SPTB: variants seen among roughly 807,000 people sequenced by gnomAD.
SPTB encodes the protein spectrin beta, erythrocytic, also known as spectrin beta chain, erythrocytic.
In SPTB, 45 loss-of-function variants were observed where a neutral mutation model predicts 256.2. The observed-to-expected ratio is 0.18, with a 90% CI of 0.14 to 0.23. The LOEUF is 0.23. SPTB is among the 10% of genes least tolerant of loss of function. The probability of loss-of-function intolerance (pLI) is 1.00; values close to 1 mark genes in which losing one functional copy is unlikely to be tolerated. For missense variants in SPTB, 2,715 were observed against 3,040.4 expected, an observed-to-expected ratio of 0.89 and a Z score of 2.52; for synonymous variants, 1,231 against 1,243.1, an observed-to-expected ratio of 0.99 and a Z score of 0.21.
chr14:64,862,806 C>T (rs904281467), intron 1 of SPTB, among the ~76,000 whole-genome samples: 9 of 151,344 alleles, frequency 5.9e-5, no homozygotes. Flanking sequence ...ATGCAGGAGG[C>T]GGAGGTTGCA....
Position 64,797,760 on chromosome 14 carries a change from T to C in SPTB, c.1151A>G (p.His384Arg). Reference protein sequence around the residue: ...RANNQKVYTPHDGKLVSDINR... With the variant: ...RANNQKVYTPRDGKLVSDINR... ...GATGTCAGACACTAGTTTCCCATCG[T>C]GGGGTGTGTACACTTTCTGATTGTT... Residue 384 changes from histidine (H) to arginine (R), a missense_variant, in exon 10 of 36, where the codon CAC becomes CGC. Around this residue, in one of 4 missense-constraint regions of SPTB, gnomAD observed 416 missense variants for 571.1 expected, o/e 0.73. Transcript: ENST00000644917. 1 of 1,614,010 alleles carries C rather than the reference T, an allele frequency of 6.2e-7. No homozygotes were observed. The highest frequency in any genetic ancestry group is 8.5e-7 in the Non-Finnish European group (1 of 1,179,872).
chr14:64,779,097 G>T lies in SPTB; in HGVS notation c.4563+60C>A. On this transcript the variant is annotated intron_variant, in intron 22 of 35. Coordinates refer to ENST00000644917, the MANE Select transcript of SPTB (RefSeq NM_001355436.2). This position sits in a 1 kb window ranked among gnomAD's most constrained non-coding sequence, Gnocchi z 4.2. ...GCAGGTCAGGGCTGGGCCTACCCCC[G>T]TGGGGCCAGGTGGGGGTGAGGAGGG... The T allele has an allele frequency of 7.1e-7, 1 of 1,413,006 alleles. No homozygotes were observed. Among genetic ancestry groups the T allele is most frequent in the Non-Finnish European group, 9.9e-7 (1 of 1,012,428 alleles). 87.5% of individuals were successfully genotyped at this position (1,413,006 alleles called of 1,614,324 possible).
intron 1 of SPTB, among the ~76,000 whole-genome samples, chr14:64,846,911 C>T (rs1028919591): frequency 6.6e-6 from 1 of 152,140 alleles, no homozygotes; most frequent in Non-Finnish European, 1.5e-5. Context: ...CCTTCCACGG[C>T]CTCAGAGCAG....
Position 64,749,187 on chromosome 14 carries a change from C to G in SPTB, c.*119G>C. 7.8e-7 allele frequency: 1 copy of G among 1,280,480 alleles called. No individual in the cohort carries two copies. Among genetic ancestry groups the G allele is most frequent in the Non-Finnish European group, 1.1e-6 (1 of 932,824 alleles). The allele number at this position is 1,280,480 out of a possible 1,614,324, so 79.3% of individuals were successfully genotyped here. On this transcript the variant is annotated 3_prime_UTR_variant, in exon 36 of 36. Coordinates refer to ENST00000644917, the MANE Select transcript of SPTB (RefSeq NM_001355436.2). The surrounding 1 kb of genome is among the most constrained non-coding windows in gnomAD (Gnocchi z 4.7). ...TGCAGTGCAGCGTGGGGCCCGGGGG[C>G]CCGGCCCGCGACTCGACTCATCTCG...
intron 1 of SPTB, among the ~76,000 whole-genome samples, chr14:64,838,012 T>C (rs1336249238): frequency 6.6e-6 from 1 of 152,212 alleles, no homozygotes; most frequent in Non-Finnish European, 1.5e-5. Context: ...CATTACCTGA[T>C]TTCAAGACTT....
At chr14:64,801,456 G>A in intron 6 of SPTB, 56 bp from the exon 7 acceptor site, 1 of 1,295,366 alleles carries the variant, frequency 7.7e-7, no homozygotes, top group East Asian at 2.3e-5. Context: ...CCACCAGGAG[G>A]GCAGCCCTAG....
At chr14:64,837,368 C>T (rs1322083550) in intron 1 of SPTB, among the ~76,000 whole-genome samples, 1 of 152,232 alleles carries the variant, frequency 6.6e-6, no homozygotes, top group Non-Finnish European at 1.5e-5. Context: ...CAGCACCCTA[C>T]AGCCTATTAC....
In SPTB at chr14:64,862,720, G is replaced by A. The variant is rs928011119; in HGVS notation, c.-52+17072C>T. On this transcript the variant is annotated intron_variant, in intron 1 of 35. Transcript: ENST00000644917. ...GAAACCCCGTCTCTACTAAAAATAC[G>A]AAAAATTAGCTGGGCGTGGTGTTGG... 1.1e-3 allele frequency among the ~76,000 whole-genome samples: 165 copies of A among 151,760 alleles called. 2 individuals carry two copies. Among genetic ancestry groups the A allele is most frequent in the Non-Finnish European group, 3.4e-4 (23 of 67,866 alleles).
At chr14:64,801,709 G>T in intron 6 of SPTB, 45 bp downstream of exon 6, 5 of 1,565,740 alleles carry the variant, frequency 3.2e-6, no homozygotes, top group Non-Finnish European at 3.5e-6. Flanking sequence ...ATATTCCCAG[G>T]GAGGCTGTCT....
In SPTB at chr14:64,778,940, C is replaced by G. The variant is rs1172342377; in HGVS notation, c.4563+217G>C. Reference sequence around the variant, plus strand: ...TGGCCCTGAATCCCCAACTACCTCCCCTCCTCTGTGATCCTCCCAGAATTT... The same window carrying G: ...TGGCCCTGAATCCCCAACTACCTCCGCTCCTCTGTGATCCTCCCAGAATTT... On this transcript the variant is annotated intron_variant, in intron 22 of 35. Transcript: ENST00000644917. This position sits in a 1 kb window ranked among gnomAD's most constrained non-coding sequence, Gnocchi z 5.2. Among the ~76,000 whole-genome samples the G allele has an allele frequency of 6.6e-6, 1 of 152,130 alleles. No individual in the cohort carries two copies. Among genetic ancestry groups the G allele is most frequent in the Non-Finnish European group, 1.5e-5 (1 of 68,024 alleles).
At position 64,794,447 on chromosome 14, in the gene SPTB, G is replaced by T; in HGVS notation, c.1795+20C>A. 6.2e-7 allele frequency: 1 copy of T among 1,614,100 alleles called. No homozygotes were observed. The highest frequency in any genetic ancestry group is 8.5e-7 in the Non-Finnish European group (1 of 1,180,004). The stretch of plus-strand genomic sequence containing the variant: ...CTCTGGCATTGGAAGCCTCAAAAGG[G>T]GAGACAGACTTGGTCTCACCTTTCC... On this transcript the variant is annotated intron_variant, in intron 13 of 35. Transcript: ENST00000644917.
At chr14:64,831,742 C>T (rs1252543394) in intron 1 of SPTB, among the ~76,000 whole-genome samples, 2 of 152,134 alleles carry the variant, frequency 1.3e-5, no homozygotes, top group East Asian at 1.9e-4. Flanking sequence ...ATAACCTGTG[C>T]GTCCACCACT....
At chr14:64,861,317 T>A (rs188595751) in intron 1 of SPTB, among the ~76,000 whole-genome samples, 17 of 152,260 alleles carry the variant, frequency 1.1e-4, no homozygotes, top group Middle Eastern at 3.4e-3. Flanking sequence ...CCCATTTTTT[T>A]TAGAAGAAGA....
chr14:64,760,732 G>A lies in SPTB; in HGVS notation c.6345+5994C>T, dbSNP rs981885779. 6.6e-6 allele frequency among the ~76,000 whole-genome samples: 1 copy of A among 152,154 alleles called. No homozygotes were observed. The highest frequency in any genetic ancestry group is 1.5e-5 in the Non-Finnish European group (1 of 68,026). ...CAGTGCCAGCTGCTCTACCTACATT[G>A]TCTCTTCCAATCCTCCCAGCCTCTC... On this transcript the variant is annotated intron_variant, in intron 32 of 35. Coordinates refer to ENST00000644917, the MANE Select transcript of SPTB (RefSeq NM_001355436.2). This position sits in a 1 kb window ranked among gnomAD's most constrained non-coding sequence, Gnocchi z 4.3.
rs145284681 is a variant in SPTB at position 64,817,556 on chromosome 14, C to T, written c.148+5391G>A. ...GGACAACTGGTGCCTTGTTCTCCAG[C>T]AGCTGCACCTGAATCTGTCAACTTA... On this transcript the variant is annotated intron_variant, in intron 2 of 35. Coordinates refer to ENST00000644917, the MANE Select transcript of SPTB (RefSeq NM_001355436.2). 2.7e-3 allele frequency among the ~76,000 whole-genome samples: 415 copies of T among 152,380 alleles called. 1 individual carries two copies. Among genetic ancestry groups the T allele is most frequent in the Middle Eastern group, 0.01 (3 of 294 alleles).
chr14:64,820,177 G>A (rs2083263431), intron 2 of SPTB, among the ~76,000 whole-genome samples: 1 of 152,170 alleles, frequency 6.6e-6, no homozygotes, highest in Non-Finnish European at 1.5e-5. Context: ...ATATTCCTGT[G>A]AGTGGGAGAG....
intron 29 of SPTB, 111 bp downstream of exon 29, chr14:64,768,923 G>A: frequency 2.2e-6 from 2 of 902,868 alleles, no homozygotes; most frequent in Non-Finnish European, 3.7e-6. Context: ...GTGCTGTGGG[G>A]GGCTCCTCTC....
chr14:64,812,812 C>G (rs1274867874), intron 2 of SPTB, among the ~76,000 whole-genome samples: 1 of 152,224 alleles, frequency 6.6e-6, no homozygotes, highest in Non-Finnish European at 1.5e-5. Flanking sequence ...GAAGCTTCAT[C>G]TCCCATTTCT....
chr14:64,751,099 AATAT>A (rs1001490559), intron 33 of SPTB, among the ~76,000 whole-genome samples: 1 of 146,194 alleles, frequency 6.8e-6, no homozygotes, highest in Non-Finnish European at 1.5e-5. Context: ...TATTATACAT[AATAT>A]ATATAATATA....
Sources: gnomAD v4.1 joint callset for allele counts (sites outside exome capture counted in the v4.1 genomes callset) on GRCh38, gnomAD v4.1.1 for gene constraint, gnomAD v4.1.1 regional missense constraint, Gnocchi (gnomAD v3.1) non-coding constraint, MANE v1.5 for transcripts, NCBI Gene and HGNC (gene_info 2026-07-23, HGNC 2026-07-21) for gene names.